B3GAT2: variants seen among roughly 807,000 people sequenced by gnomAD.
B3GAT2 encodes galactosylgalactosylxylosylprotein 3-beta-glucuronosyltransferase 2.
A neutral mutation model predicts 27.8 loss-of-function variants in B3GAT2; 26 were observed. The observed-to-expected ratio is 0.93, with a 90% CI of 0.68 to 1.30. The LOEUF is 1.30. Among genes scored for constraint, B3GAT2 ranks in the 50% most tolerant of loss-of-function variants. B3GAT2 has a pLI of 0.00. For synonymous variants in B3GAT2, 218 were observed against 195.1 expected, an observed-to-expected ratio of 1.12 and a Z score of -0.98; for missense variants, 458 against 459.0, an observed-to-expected ratio of 1.00 and a Z score of 0.02.
At chr6:70,882,788 G>A (rs1772120010) in intron 2 of B3GAT2, among the ~76,000 whole-genome samples, 1 of 152,154 alleles carries the variant, frequency 6.6e-6, no homozygotes, top group Non-Finnish European at 1.5e-5. Context: ...GCAGAGGAAA[G>A]GCCATCTGTG....
intron 1 of B3GAT2, among the ~76,000 whole-genome samples, chr6:70,904,899 T>C (rs1465190485): frequency 6.6e-6 from 1 of 152,128 alleles, no homozygotes; most frequent in Non-Finnish European, 1.5e-5. Context: ...GTCACTCCCT[T>C]GGCCAAGTGG....
chr6:70,949,892 A>G (rs2150052903), intron 1 of B3GAT2, among the ~76,000 whole-genome samples: 1 of 152,280 alleles, frequency 6.6e-6, no homozygotes, highest in East Asian at 1.9e-4. Flanking sequence ...TGATGAGTTC[A>G]TGTCCTTTGC....
rs955913060 is a variant in B3GAT2, at chr6:70,857,869, G to C, written c.*3794C>G. 1.3e-6 allele frequency: 2 copies of C among 1,576,188 alleles called. No homozygotes were observed. The highest frequency in any genetic ancestry group is 3.4e-5 in the Admixed American group (2 of 58,204). On this transcript the variant is annotated 3_prime_UTR_variant, in exon 4 of 4. Transcript: ENST00000230053. ...AATTTTTCTGTGATTATAGAGATGA[G>C]TGCAACTACACGTGATAGCTCTGTC... is the stretch of plus-strand genomic sequence containing the variant.
At chr6:70,926,612 G>C (rs1197639324) in intron 1 of B3GAT2, among the ~76,000 whole-genome samples, 1 of 152,190 alleles carries the variant, frequency 6.6e-6, no homozygotes, top group African/African-American at 2.4e-5. Context: ...GAAGTGAGAA[G>C]AGAAGTTTAG....
rs545448416 is a variant in B3GAT2 at position 70,874,421 on chromosome 6, C to G, written c.737-12443G>C. 2.0e-5 allele frequency among the ~76,000 whole-genome samples: 3 copies of G among 152,298 alleles called. No homozygotes were observed. In the South Asian group the frequency reaches 6.2e-4, roughly 32 times the overall value. ...TCCATTTGGGCATGCTTTCAACACT[C>G]AGCCAGGCAATGTACAACTGCTTTA... On this transcript the variant is annotated intron_variant, in intron 2 of 3. Transcript: ENST00000230053.
chr6:70,902,160 A>G (rs1772509878), intron 1 of B3GAT2, among the ~76,000 whole-genome samples: 1 of 152,222 alleles, frequency 6.6e-6, no homozygotes. Flanking sequence ...AATCAAGACA[A>G]TGTGGCATTA....
In B3GAT2 at chr6:70,882,074, T is replaced by C. The variant is rs1400991489; in HGVS notation, c.736+12054A>G. ...ATTCTGGATAAATGAAGGTTTGTTA[T>C]TCTTTCTCTAACAGCAGACTAAAGC... On this transcript the variant is annotated intron_variant, in intron 2 of 3. Coordinates refer to ENST00000230053, the MANE Select transcript of B3GAT2 (RefSeq NM_080742.3). 4.6e-5 allele frequency among the ~76,000 whole-genome samples: 7 copies of C among 152,218 alleles called. No individual in the cohort carries two copies. The East Asian group carries it at 1.3e-3, about 29-fold the overall frequency.
At position 70,894,192 on chromosome 6, in the gene B3GAT2, G is replaced by A. The variant is rs371527631; in HGVS notation, c.672C>T (p.Asn224=). 11 of 1,613,574 alleles carry A rather than the reference G, an allele frequency of 6.8e-6. No individual in the cohort carries two copies. The highest frequency in any genetic ancestry group is 1.7e-5 in the Admixed American group (1 of 59,972). Residue 224 remains asparagine, a synonymous_variant, in exon 2 of 4, where the codon AAC becomes AAT. Transcript: ENST00000230053. ...GRRYERPLVE[N]GKVVGWYTGW... ...CGGTGTACCAGCCAACAACTTTGCC[G>A]TTTTCCACCAGCGGACGTTCGTAGC...
intron 1 of B3GAT2, among the ~76,000 whole-genome samples, chr6:70,898,994 A>G (rs938810015): frequency 4.9e-4 from 73 of 150,256 alleles, no homozygotes; most frequent in African/African-American, 1.8e-3. Context: ...AAATAAATAA[A>G]TAGGAATGAA....
chr6:70,861,912 T>C lies in B3GAT2; in HGVS notation c.803A>G (p.Gln268Arg), dbSNP rs1347962268. The C allele has an allele frequency of 1.1e-5, 18 of 1,613,862 alleles. No homozygotes were observed. The highest frequency in any genetic ancestry group is 1.5e-5 in the Non-Finnish European group (18 of 1,179,918). ...PKAVFKRRGSQPGMQESDFLK... is the reference protein window; with the variant it reads ...PKAVFKRRGSRPGMQESDFLK... ...AAAGTCAGATTCTTGCATCCCTGGCTGGGATCCACGACGCTTAAATACAGC... is the reference window on the plus strand; with the variant it reads ...AAAGTCAGATTCTTGCATCCCTGGCCGGGATCCACGACGCTTAAATACAGC... Residue 268 changes from glutamine to arginine, a missense_variant, in exon 3 of 4, where the codon CAG becomes CGG. Coordinates refer to ENST00000230053, the MANE Select transcript of B3GAT2 (RefSeq NM_080742.3).
intron 1 of B3GAT2, among the ~76,000 whole-genome samples, chr6:70,934,365 C>T (rs1332501779): frequency 1.3e-5 from 2 of 150,686 alleles, no homozygotes; most frequent in African/African-American, 4.9e-5. Context: ...CCCACCCCCG[C>T]CCCACCCCAC....
At chr6:70,938,218 G>A (rs1356385032) in intron 1 of B3GAT2, among the ~76,000 whole-genome samples, 126 of 143,082 alleles carry the variant, frequency 8.8e-4, no homozygotes, top group African/African-American at 2.6e-3. Flanking sequence ...ACCTCTTCAA[G>A]GAGAACTACA....
intron 1 of B3GAT2, among the ~76,000 whole-genome samples, chr6:70,899,116 T>C (rs1241744689): frequency 1.3e-5 from 2 of 151,806 alleles, no homozygotes; most frequent in African/African-American, 4.8e-5. Flanking sequence ...AGGTAATAAA[T>C]GAACAGAAGG....
chr6:70,909,344 A>G (rs998530764), intron 1 of B3GAT2, among the ~76,000 whole-genome samples: 11 of 152,272 alleles, frequency 7.2e-5, no homozygotes, highest in African/African-American at 2.4e-4. Context: ...TAGATGGGAT[A>G]AAAGAATATG....
At chr6:70,928,380 A>G (rs544657880) in intron 1 of B3GAT2, among the ~76,000 whole-genome samples, 1 of 152,294 alleles carries the variant, frequency 6.6e-6, no homozygotes, top group East Asian at 1.9e-4. Flanking sequence ...AAAACTTCAA[A>G]AAATCAATGA....
At chr6:70,946,513 T>C (rs1765486206) in intron 1 of B3GAT2, among the ~76,000 whole-genome samples, 1 of 152,126 alleles carries the variant, frequency 6.6e-6, no homozygotes, top group Middle Eastern at 3.4e-3. Context: ...AAGGGATCAA[T>C]TCAACAAGAA....
chr6:70,866,470 A>G (rs1054460064), intron 2 of B3GAT2, among the ~76,000 whole-genome samples: 61 of 152,202 alleles, frequency 4.0e-4, no homozygotes, highest in African/African-American at 1.5e-3. Context: ...TGTCTCTCTC[A>G]TCCAGTATCT....
chr6:70,868,920 T>C (rs549073075), intron 2 of B3GAT2, among the ~76,000 whole-genome samples: 2 of 152,326 alleles, frequency 1.3e-5, no homozygotes, highest in South Asian at 4.1e-4. Flanking sequence ...TGTTTCCACC[T>C]TTCCTGCCCA....
At chr6:70,936,398 C>T (rs558670279) in intron 1 of B3GAT2, among the ~76,000 whole-genome samples, 105 of 152,030 alleles carry the variant, frequency 6.9e-4, no homozygotes, top group African/African-American at 2.4e-3. Context: ...CTGCACCAAG[C>T]GGACCTAATA....
Sources: allele counts gnomAD v4.1 joint callset (sites outside exome capture counted in the v4.1 genomes callset), GRCh38; gene constraint gnomAD v4.1.1; transcripts MANE v1.5; gene names NCBI Gene and HGNC (gene_info 2026-07-23, HGNC 2026-07-21).